RAPGEF5: variants seen among roughly 807,000 people sequenced by gnomAD.
The protein encoded by RAPGEF5 is M-Ras-regulated GEF.
In RAPGEF5, 65 loss-of-function variants were observed where a neutral mutation model predicts 125.2. That is an observed-to-expected ratio of 0.52 (90% CI 0.43 to 0.64). RAPGEF5 has a LOEUF of 0.64. RAPGEF5 is among the 30% of genes least tolerant of loss of function. RAPGEF5 has a pLI of 0.00. For missense variants in RAPGEF5, 958 were observed against 1,048.1 expected (o/e 0.91, Z 1.19); for synonymous variants, 391 against 385.9 (o/e 1.01, Z -0.16).
chr7:22,330,353 G>A (rs1017895099), intron 1 of RAPGEF5, among the ~76,000 whole-genome samples: 1 of 152,234 alleles, frequency 6.6e-6, no homozygotes, highest in African/African-American at 2.4e-5. Context: ...CTGAAGAGAT[G>A]TAAGCACAGA....
At chr7:22,281,348 A>C (rs1006328438) in intron 6 of RAPGEF5, among the ~76,000 whole-genome samples, 1 of 152,144 alleles carries the variant, frequency 6.6e-6, no homozygotes, top group Non-Finnish European at 1.5e-5. Flanking sequence ...AGTAGCTGGG[A>C]CCACAGGTGC....
chr7:22,274,335 T>C (rs1782507932), intron 6 of RAPGEF5, among the ~76,000 whole-genome samples: 1 of 152,012 alleles, frequency 6.6e-6, no homozygotes, highest in Non-Finnish European at 1.5e-5. Context: ...GTGAATTCAC[T>C]TTTTCTTTTT....
In RAPGEF5 at chr7:22,308,411, T is replaced by G; in HGVS notation, c.608A>C (p.Glu203Ala). The G allele has an allele frequency of 6.3e-7, 1 of 1,584,238 alleles. No individual in the cohort carries two copies. The highest frequency in any genetic ancestry group is 8.6e-7 in the Non-Finnish European group (1 of 1,163,652). Residue 203 changes from glutamate (E) to alanine (A), a missense_variant, in exon 5 of 26, where the codon GAA (glutamate) becomes GCA (alanine). Coordinates refer to ENST00000665637, the MANE Select transcript of RAPGEF5 (RefSeq NM_012294.5). Reference protein sequence around the residue: ...YLYCEFEREEEWQNGVKLLLQ... With the variant: ...YLYCEFEREEAWQNGVKLLLQ... ...TAAAAGCTTGACACCATTTTGCCATTCTTCTTCTCTTTCAAATTCACAGTA... is the reference window on the plus strand; with the variant it reads ...TAAAAGCTTGACACCATTTTGCCATGCTTCTTCTCTTTCAAATTCACAGTA...
At chr7:22,255,464 A>T (rs1390088050) in intron 7 of RAPGEF5, among the ~76,000 whole-genome samples, 1 of 151,944 alleles carries the variant, frequency 6.6e-6, no homozygotes, top group Non-Finnish European at 1.5e-5. Flanking sequence ...ATGGTGGCAC[A>T]TGACTGTAGT....
intron 7 of RAPGEF5, among the ~76,000 whole-genome samples, chr7:22,236,452 T>C (rs911977706): frequency 6.6e-6 from 1 of 152,228 alleles, no homozygotes; most frequent in Non-Finnish European, 1.5e-5. Flanking sequence ...ATTGATTTAA[T>C]ACGGCGTGAG....
chr7:22,345,835 C>G (rs989426857), intron 1 of RAPGEF5, among the ~76,000 whole-genome samples: 7 of 151,802 alleles, frequency 4.6e-5, no homozygotes, highest in African/African-American at 1.7e-4. Context: ...CCACTAAGTA[C>G]TCTTCTGACA....
At chr7:22,300,952 G>A (rs976323012) in intron 5 of RAPGEF5, among the ~76,000 whole-genome samples, 1 of 152,160 alleles carries the variant, frequency 6.6e-6, no homozygotes, top group Non-Finnish European at 1.5e-5. Flanking sequence ...TGACAACTGT[G>A]CCACCACTGA....
chr7:22,303,612 G>A (rs1783263390), intron 5 of RAPGEF5, among the ~76,000 whole-genome samples: 2 of 152,112 alleles, frequency 1.3e-5, no homozygotes, highest in Admixed American at 6.5e-5. Flanking sequence ...ACACAGGTAG[G>A]TATCAGTAGC....
At chr7:22,212,616 C>G (rs540628771) in intron 9 of RAPGEF5, among the ~76,000 whole-genome samples, 2 of 152,310 alleles carry the variant, frequency 1.3e-5, no homozygotes, top group South Asian at 4.1e-4. Flanking sequence ...ACACAGTTAT[C>G]ATGAACAACT....
intron 6 of RAPGEF5, among the ~76,000 whole-genome samples, chr7:22,272,420 A>G (rs559257165): frequency 1.4e-5 from 2 of 147,060 alleles, no homozygotes; most frequent in Middle Eastern, 3.5e-3. Flanking sequence ...ACAGAGCAAT[A>G]TTAGCAAAGG....
intron 7 of RAPGEF5, among the ~76,000 whole-genome samples, chr7:22,253,088 G>A (rs931709244): frequency 1.2e-4 from 18 of 152,066 alleles, no homozygotes; most frequent in Admixed American, 6.6e-4. Flanking sequence ...CTCTGGAAAT[G>A]TTAGAACAAT....
chr7:22,150,327 C>A (rs1783583706), intron 18 of RAPGEF5, 80 bp downstream of exon 18: 3 of 1,407,844 alleles, frequency 2.1e-6, no homozygotes, highest in East Asian at 4.7e-5. Context: ...CCTGCCTTGG[C>A]CTCCCAAAGT....
chr7:22,135,914 T>C (rs1445122280), intron 23 of RAPGEF5, 124 bp downstream of exon 23: 4 of 662,604 alleles, frequency 6.0e-6, no homozygotes, highest in Non-Finnish European at 9.9e-6. Flanking sequence ...GCAACACAAT[T>C]AGGTCTGAAT....
At chr7:22,269,050 A>G (rs1316204748) in intron 6 of RAPGEF5, among the ~76,000 whole-genome samples, 3 of 152,134 alleles carry the variant, frequency 2.0e-5, no homozygotes, top group Non-Finnish European at 4.4e-5. Flanking sequence ...TACATAAAAT[A>G]AATGAGATTA....
At chr7:22,260,885 A>C (rs1782139366) in intron 7 of RAPGEF5, among the ~76,000 whole-genome samples, 1 of 152,238 alleles carries the variant, frequency 6.6e-6, no homozygotes, top group Middle Eastern at 3.2e-3. Context: ...AGGCACAAGG[A>C]AAGGTAAATA....
intron 3 of RAPGEF5, among the ~76,000 whole-genome samples, chr7:22,313,938 G>C (rs1400614952): frequency 6.6e-6 from 1 of 152,156 alleles, no homozygotes; most frequent in Non-Finnish European, 1.5e-5. Flanking sequence ...CTCAGACCTT[G>C]GGCTATGAAT....
intron 11 of RAPGEF5, among the ~76,000 whole-genome samples, chr7:22,179,895 A>G (rs1348195319): frequency 1.3e-5 from 2 of 152,106 alleles, no homozygotes; most frequent in Non-Finnish European, 2.9e-5. Context: ...TGAATAACCC[A>G]CCCCTTGTTT....
intron 11 of RAPGEF5, among the ~76,000 whole-genome samples, chr7:22,184,056 G>A (rs537315847): frequency 5.3e-5 from 8 of 152,170 alleles, no homozygotes; most frequent in African/African-American, 1.7e-4. Context: ...TGAACTTTCC[G>A]TTTACAAAGT....
At chr7:22,306,480 T>G (rs1783344468) in intron 5 of RAPGEF5, among the ~76,000 whole-genome samples, 1 of 152,228 alleles carries the variant, frequency 6.6e-6, no homozygotes, top group South Asian at 2.1e-4. Context: ...CCTTGCCAGA[T>G]GGGTAGCTTA....
Sources: allele counts gnomAD v4.1 joint callset (sites outside exome capture counted in the v4.1 genomes callset), GRCh38; gene constraint gnomAD v4.1.1; transcripts MANE v1.5; gene names NCBI Gene and HGNC (gene_info 2026-07-23, HGNC 2026-07-21).